HIPK2: variants seen among roughly 807,000 people sequenced by gnomAD.
HIPK2 encodes the protein homeodomain interacting protein kinase 2, also known as homeodomain-interacting protein kinase 2.
A neutral mutation model predicts 113.7 loss-of-function variants in HIPK2; 27 were observed. The ratio of observed to expected loss-of-function variants is 0.24; its 90% confidence interval spans 0.17 to 0.33. The LOEUF (loss-of-function observed/expected upper bound fraction) is 0.33. Ranked by LOEUF, HIPK2 falls within the 10% of genes least tolerant of loss-of-function variation. The probability of loss-of-function intolerance (pLI) is 1.00; values close to 1 mark genes in which losing one functional copy is unlikely to be tolerated. For synonymous variants in HIPK2, 631 were observed against 642.2 expected, an observed-to-expected ratio of 0.98 and a Z score of 0.26; for missense variants, 1,257 against 1,588.0, an observed-to-expected ratio of 0.79 and a Z score of 3.54.
chr7:139,759,076 A>G (rs931630682), intron 1 of HIPK2, among the ~76,000 whole-genome samples: 2 of 151,706 alleles, frequency 1.3e-5, no homozygotes, highest in Non-Finnish European at 3.0e-5. Context: ...ATACATAAAG[A>G]GCTTTCAGAA....
intron 1 of HIPK2, among the ~76,000 whole-genome samples, chr7:139,771,470 G>A (rs190394048): frequency 4.5e-4 from 68 of 152,108 alleles, no homozygotes; most frequent in East Asian, 3.9e-3. Context: ...AAATGAATGC[G>A]AGCTACAGAT....
intron 2 of HIPK2, among the ~76,000 whole-genome samples, chr7:139,707,384 G>A (rs1015400015): frequency 1.3e-5 from 2 of 152,364 alleles, no homozygotes; most frequent in Non-Finnish European, 2.9e-5. Flanking sequence ...GTAAGACCCC[G>A]CAGGGGAGAT....
At chr7:139,685,110 G>A (rs763726296) in intron 2 of HIPK2, among the ~76,000 whole-genome samples, 5 of 152,212 alleles carry the variant, frequency 3.3e-5, no homozygotes, top group African/African-American at 4.8e-5. Context: ...TACAGAAGCT[G>A]CAGCAAGTTA....
chr7:139,658,306 CAAAAA>C (rs56399449), intron 2 of HIPK2, among the ~76,000 whole-genome samples: 2 of 137,608 alleles, frequency 1.5e-5, no homozygotes, highest in Non-Finnish European at 1.6e-5. Flanking sequence ...AACTTGGTCT[CAAAAA>C]AAAAAAAAAA....
At chr7:139,760,185 TA>T (rs1194181223) in intron 1 of HIPK2, among the ~76,000 whole-genome samples, 1 of 152,134 alleles carries the variant, frequency 6.6e-6, no homozygotes, top group Non-Finnish European at 1.5e-5. Flanking sequence ...TTGTATTTTT[TA>T]GTAGAGACGG....
intron 1 of HIPK2, among the ~76,000 whole-genome samples, chr7:139,766,342 A>G (rs527541559): frequency 3.3e-4 from 50 of 152,334 alleles, no homozygotes; most frequent in African/African-American, 1.1e-3. Context: ...GGTCTCAGTA[A>G]GAGTATTCCT....
chr7:139,709,870 G>T (rs906395290), intron 2 of HIPK2, among the ~76,000 whole-genome samples: 4 of 152,314 alleles, frequency 2.6e-5, no homozygotes, highest in African/African-American at 9.6e-5. Context: ...TTAAACAAAA[G>T]AAAGCAAAAT....
intron 2 of HIPK2, among the ~76,000 whole-genome samples, chr7:139,700,632 A>G (rs1304316301): frequency 3.9e-5 from 6 of 152,196 alleles, no homozygotes; most frequent in African/African-American, 1.2e-4. Context: ...TCTATAAATG[A>G]TATTTCCTCT....
chr7:139,666,525 C>T lies in HIPK2; in HGVS notation c.1104-34800G>A, dbSNP rs183373786. ...CTCAGATAAGATGCAACAGAATGAACTGTCCCACAGAGTAAATAACTTTCT... is the reference window on the plus strand; with the variant it reads ...CTCAGATAAGATGCAACAGAATGAATTGTCCCACAGAGTAAATAACTTTCT... On this transcript the variant is annotated intron_variant, in intron 2 of 14. Coordinates refer to ENST00000406875, the MANE Select transcript of HIPK2 (RefSeq NM_022740.5). Among the ~76,000 whole-genome samples, 6 of 152,300 alleles carry T rather than the reference C, an allele frequency of 3.9e-5. No homozygotes were observed. The South Asian group carries it at 6.2e-4, about 16-fold the overall frequency.
At chr7:139,772,961 G>A (rs1306981331) in intron 1 of HIPK2, among the ~76,000 whole-genome samples, 3 of 151,466 alleles carry the variant, frequency 2.0e-5, no homozygotes, top group Non-Finnish European at 2.9e-5. Context: ...AAAAGGAGAA[G>A]AAAAAATTCC....
intron 1 of HIPK2, among the ~76,000 whole-genome samples, chr7:139,734,848 T>C (rs1391451392): frequency 6.6e-6 from 1 of 152,202 alleles, no homozygotes; most frequent in Non-Finnish European, 1.5e-5. Context: ...CATAGGAGTG[T>C]TATGCTGTAC....
chr7:139,776,103 G>GA (rs1796738006), intron 1 of HIPK2, among the ~76,000 whole-genome samples: 1 of 152,154 alleles, frequency 6.6e-6, no homozygotes, highest in Non-Finnish European at 1.5e-5. Flanking sequence ...GCCCGACATG[G>GA]GTTCTCCCGC....
At chr7:139,595,785 A>G (rs930337118) in intron 12 of HIPK2, among the ~76,000 whole-genome samples, 7 of 152,252 alleles carry the variant, frequency 4.6e-5, no homozygotes, top group Non-Finnish European at 8.8e-5. Flanking sequence ...TTATCTAATC[A>G]AAGGATTTGT....
intron 2 of HIPK2, among the ~76,000 whole-genome samples, chr7:139,666,842 G>A (rs934503130): frequency 6.6e-6 from 1 of 152,042 alleles, no homozygotes; most frequent in Non-Finnish European, 1.5e-5. Flanking sequence ...GCAGGTAGAC[G>A]GCCTGAGGTC....
At chr7:139,706,658 C>T (rs759911920) in intron 2 of HIPK2, among the ~76,000 whole-genome samples, 4 of 152,208 alleles carry the variant, frequency 2.6e-5, no homozygotes, top group Non-Finnish European at 4.4e-5. Flanking sequence ...AATTCTATCT[C>T]AGAGCCCAGC....
At position 139,631,591 on chromosome 7, in the gene HIPK2, T is replaced by C. The variant is rs376012861; in HGVS notation, c.1227+11A>G. 21 of 1,612,328 alleles carry C rather than the reference T, an allele frequency of 1.3e-5. No individual in the cohort carries two copies. The highest frequency in any genetic ancestry group is 4.0e-5 in the African/African-American group (3 of 74,796). ...TGAGGTCTTGTGAATATCTGTGTCA[T>C]CTGGACCCACCTGATCATACTCCGA... is the stretch of plus-strand genomic sequence containing the variant. On this transcript the variant is annotated intron_variant, in intron 3 of 14. Coordinates refer to ENST00000406875, the MANE Select transcript of HIPK2 (RefSeq NM_022740.5). The surrounding 1 kb of genome is among the most constrained non-coding windows in gnomAD (Gnocchi z 4.9).
chr7:139,707,351 T>C (rs1027054833), intron 2 of HIPK2, among the ~76,000 whole-genome samples: 1 of 152,186 alleles, frequency 6.6e-6, no homozygotes, highest in African/African-American at 2.4e-5. Flanking sequence ...TGGCCGTGGG[T>C]TTGCTGGCTT....
chr7:139,698,051 G>C (rs1439880218), intron 2 of HIPK2, among the ~76,000 whole-genome samples: 1 of 152,032 alleles, frequency 6.6e-6, no homozygotes, highest in Admixed American at 6.6e-5. Context: ...TTTAAGTAGA[G>C]ACAAGGTTTC....
intron 12 of HIPK2, among the ~76,000 whole-genome samples, chr7:139,587,061 T>C (rs1228415743): frequency 1.3e-5 from 2 of 152,134 alleles, no homozygotes; most frequent in Non-Finnish European, 2.9e-5. Context: ...TGTCACTGAA[T>C]TTACACTTAA....
Sources: allele counts gnomAD v4.1 joint callset (sites outside exome capture counted in the v4.1 genomes callset), GRCh38; gene constraint gnomAD v4.1.1; non-coding constraint Gnocchi (gnomAD v3.1); transcripts MANE v1.5; gene names NCBI Gene and HGNC (gene_info 2026-07-23, HGNC 2026-07-21).